SDC2: variants seen among roughly 807,000 people sequenced by gnomAD.
The protein encoded by SDC2 is syndecan 2, also known as syndecan-2.
Under a neutral mutation model 22.2 loss-of-function variants are expected in SDC2, and 13 were observed. That is an observed-to-expected ratio of 0.59 (90% CI 0.38 to 0.93). SDC2 has a LOEUF of 0.93. Ranked by LOEUF, SDC2 falls within the 40% of genes least tolerant of loss-of-function variation. The pLI is 0.00. For synonymous variants in SDC2, 94 were observed against 92.8 expected, an observed-to-expected ratio of 1.01 and a Z score of -0.07; for missense variants, 235 against 246.8, an observed-to-expected ratio of 0.95 and a Z score of 0.32.
At chr8:96,511,323 C>T (rs1813323705) in intron 1 of SDC2, among the ~76,000 whole-genome samples, 1 of 152,138 alleles carries the variant, frequency 6.6e-6, no homozygotes, top group East Asian at 1.9e-4. Flanking sequence ...CCTTGCTACC[C>T]AAAATGAGGG....
At chr8:96,594,877 A>G (rs1814846225) in intron 2 of SDC2, among the ~76,000 whole-genome samples, 1 of 152,180 alleles carries the variant, frequency 6.6e-6, no homozygotes, top group South Asian at 2.1e-4. Context: ...CCCCTTATGA[A>G]ACCATCAGAT....
intron 1 of SDC2, among the ~76,000 whole-genome samples, chr8:96,555,969 A>G (rs1220661982): frequency 6.6e-6 from 1 of 152,140 alleles, no homozygotes; most frequent in Non-Finnish European, 1.5e-5. Context: ...AGTGAAAGCT[A>G]CACCTTTCAA....
At chr8:96,549,335 C>A (rs757676852) in intron 1 of SDC2, among the ~76,000 whole-genome samples, 3 of 152,158 alleles carry the variant, frequency 2.0e-5, no homozygotes, top group Non-Finnish European at 4.4e-5. Flanking sequence ...GACAACCTCC[C>A]TGAGCAGCCT....
intron 2 of SDC2, among the ~76,000 whole-genome samples, chr8:96,598,861 G>C (rs1248916249): frequency 6.6e-6 from 1 of 151,816 alleles, no homozygotes; most frequent in East Asian, 1.9e-4. Flanking sequence ...TTTCTGGTTT[G>C]AGCAAAAGAG....
intron 1 of SDC2, among the ~76,000 whole-genome samples, chr8:96,582,546 A>G (rs192416603): frequency 1.3e-5 from 2 of 152,202 alleles, no homozygotes; most frequent in Non-Finnish European, 2.9e-5. Flanking sequence ...GGCTCCCAGT[A>G]TAAGGAACCA....
intron 3 of SDC2, among the ~76,000 whole-genome samples, chr8:96,607,327 T>C (rs1258804695): frequency 6.6e-6 from 1 of 152,140 alleles, no homozygotes; most frequent in East Asian, 1.9e-4. Flanking sequence ...TGTGATGTGC[T>C]GGCCACCTGA....
In SDC2 at chr8:96,558,770, A is replaced by G. The variant is rs557949705; in HGVS notation, c.61-34710A>G. 6.6e-5 allele frequency among the ~76,000 whole-genome samples: 10 copies of G among 152,304 alleles called. No homozygotes were observed. The South Asian group carries it at 1.9e-3, about 28-fold the overall frequency. ...AAATAATCCAAACCATAAACTTTCT[A>G]GTCAACTGACTTATCTACTGACTTT... On this transcript the variant is annotated intron_variant, in intron 1 of 4. Coordinates refer to ENST00000302190, the MANE Select transcript of SDC2 (RefSeq NM_002998.4).
intron 1 of SDC2, among the ~76,000 whole-genome samples, chr8:96,565,099 T>G (rs201321418): frequency 7.2e-6 from 1 of 139,602 alleles, no homozygotes; most frequent in East Asian, 2.0e-4. Context: ...TTTTTTTTTT[T>G]GTTGAGATGG....
At chr8:96,594,052 C>A (rs1027493955) in intron 2 of SDC2, among the ~76,000 whole-genome samples, 1 of 152,090 alleles carries the variant, frequency 6.6e-6, no homozygotes, top group African/African-American at 2.4e-5. Context: ...GAAGTTAATA[C>A]GTTTTTATTC....
chr8:96,563,987 A>G (rs559489414), intron 1 of SDC2, among the ~76,000 whole-genome samples: 2 of 152,332 alleles, frequency 1.3e-5, no homozygotes, highest in South Asian at 2.1e-4. Context: ...GTCAGCTGCC[A>G]ATTAACAAAC....
chr8:96,534,251 G>A (rs902951943), intron 1 of SDC2, among the ~76,000 whole-genome samples: 1 of 152,212 alleles, frequency 6.6e-6, no homozygotes, highest in Non-Finnish European at 1.5e-5. Context: ...CCAGAAGGGG[G>A]CCCCCACAGT....
intron 3 of SDC2, 24 bp from the exon 4 acceptor site, chr8:96,608,311 A>G: frequency 1.2e-6 from 2 of 1,605,450 alleles, no homozygotes; most frequent in Non-Finnish European, 1.7e-6. Context: ...AATCAATGTA[A>G]TCTTTCCCTG....
intron 1 of SDC2, among the ~76,000 whole-genome samples, chr8:96,583,453 A>G (rs1001118218): frequency 2.8e-5 from 4 of 143,710 alleles, no homozygotes; most frequent in Admixed American, 2.1e-4. Flanking sequence ...AATTTTCAAA[A>G]GTTTATTTGC....
At chr8:96,591,534 A>G (rs901852592) in intron 1 of SDC2, among the ~76,000 whole-genome samples, 1 of 152,218 alleles carries the variant, frequency 6.6e-6, no homozygotes, top group Non-Finnish European at 1.5e-5. Flanking sequence ...CATGCCTTCA[A>G]TGAGTTGTAC....
At position 96,540,340 on chromosome 8, in the gene SDC2, G is replaced by GTGTATATATATATATATATATATA. The variant is rs4058341; in HGVS notation, c.60+46010_60+46011insGTATATATATATATATATATATAT. On this transcript the variant is annotated intron_variant, in intron 1 of 4. Coordinates refer to ENST00000302190, the MANE Select transcript of SDC2 (RefSeq NM_002998.4). ...AACCCTGTCTCTACTATATATATGT[G>GTGTATATATATATATATATATATA]TATATATATATATATAAAAATTAGT... Among the ~76,000 whole-genome samples, 171 of 123,662 alleles carry GTGTATATATATATATATATATATA rather than the reference G, an allele frequency of 1.4e-3. 1 individual carries two copies. The highest frequency in any genetic ancestry group is 2.1e-3 in the South Asian group (7 of 3,340). 81.1% of individuals were successfully genotyped at this position (123,662 alleles called of 152,430 possible).
intron 3 of SDC2, among the ~76,000 whole-genome samples, chr8:96,603,350 A>G (rs916625646): frequency 1.3e-5 from 2 of 152,220 alleles, no homozygotes; most frequent in African/African-American, 4.8e-5. Flanking sequence ...GTAAGCATTA[A>G]TTGAATTGGT....
chr8:96,573,442 G>T (rs983179076), intron 1 of SDC2, among the ~76,000 whole-genome samples: 4 of 126,082 alleles, frequency 3.2e-5, no homozygotes, highest in Admixed American at 8.1e-5. Flanking sequence ...GTTGCAAAAT[G>T]GGGCTAATAC....
At chr8:96,518,831 T>G (rs1217737676) in intron 1 of SDC2, among the ~76,000 whole-genome samples, 2 of 152,196 alleles carry the variant, frequency 1.3e-5, no homozygotes, top group African/African-American at 4.8e-5. Flanking sequence ...CCTAAGCTGT[T>G]AGTTTTAATC....
At chr8:96,608,164 C>T (rs1022746628) in intron 3 of SDC2, among the ~76,000 whole-genome samples, 171 bp from the exon 4 acceptor site, 1 of 152,284 alleles carries the variant, frequency 6.6e-6, no homozygotes, top group African/African-American at 2.4e-5. Flanking sequence ...CTACATGGGT[C>T]CATCATGACA....
Sources: gnomAD v4.1 joint callset for allele counts (sites outside exome capture counted in the v4.1 genomes callset) on GRCh38, gnomAD v4.1.1 for gene constraint, MANE v1.5 for transcripts, NCBI Gene and HGNC (gene_info 2026-07-23, HGNC 2026-07-21) for gene names.